Variants in EFCAB5 observed in about 807,000 individuals in gnomAD.
The protein encoded by EFCAB5 is EF-hand calcium binding domain 5.
Under a neutral mutation model 167.9 loss-of-function variants are expected in EFCAB5, and 131 were observed. The observed-to-expected ratio is 0.78, with a 90% CI of 0.68 to 0.90. The LOEUF (loss-of-function observed/expected upper bound fraction) is 0.90, where lower values mean the gene tolerates loss of function less well. Ranked by LOEUF, EFCAB5 falls within the 40% of genes least tolerant of loss-of-function variation. The probability of loss-of-function intolerance (pLI) is 0.00; values close to 1 mark genes in which losing one functional copy is unlikely to be tolerated. For synonymous variants in EFCAB5, 574 were observed against 602.8 expected, an observed-to-expected ratio of 0.95 and a Z score of 0.70; for missense variants, 1,663 against 1,745.2, an observed-to-expected ratio of 0.95 and a Z score of 0.84.
intron 3 of EFCAB5, among the ~76,000 whole-genome samples, chr17:29,954,982 C>T (rs2067584766): frequency 2.0e-5 from 3 of 152,012 alleles, no homozygotes; most frequent in Admixed American, 6.5e-5. Context: ...AGCCTGTAGC[C>T]CCTTTGTTTT....
At chr17:29,936,597 C>T (rs2067247379) in intron 1 of EFCAB5, among the ~76,000 whole-genome samples, 1 of 152,172 alleles carries the variant, frequency 6.6e-6, no homozygotes, top group African/African-American at 2.4e-5. Flanking sequence ...ATGTGATTTT[C>T]AGGGTCTCAG....
Position 30,034,228 on chromosome 17 carries a change from A to G in EFCAB5, c.1045-2A>G. The G allele has an allele frequency of 1.1e-5, 17 of 1,613,002 alleles. No homozygotes were observed. Among genetic ancestry groups the G allele is most frequent in the Non-Finnish European group, 1.4e-5 (17 of 1,179,538 alleles). On this transcript the variant is annotated splice_acceptor_variant, in intron 7 of 22. Transcript: ENST00000394835. LOFTEE classifies it high-confidence loss of function. ...GTTTATCCTCTTTTTTTTCCCCTGT[A>G]GTACATCTCTTCACATATTAAAGAC...
chr17:30,075,210 G>A (rs1047305827), intron 14 of EFCAB5, among the ~76,000 whole-genome samples: 6 of 151,912 alleles, frequency 3.9e-5, no homozygotes, highest in Admixed American at 1.3e-4. Context: ...CATCACTGTC[G>A]CTGTCCTCTC....
intron 7 of EFCAB5, among the ~76,000 whole-genome samples, chr17:30,013,917 C>T (rs1281040022): frequency 1.3e-5 from 2 of 152,176 alleles, no homozygotes; most frequent in African/African-American, 4.8e-5. Flanking sequence ...TTAGATCTTT[C>T]CTGCTTTCTC....
rs9900788 is a variant in EFCAB5, at chr17:30,083,867, G to C, written c.3579+824G>C. On this transcript the variant is annotated intron_variant, in intron 18 of 22. Coordinates refer to ENST00000394835, the MANE Select transcript of EFCAB5 (RefSeq NM_198529.4). ...TGGGTGGAGTGGGAAGGGACTAGGA[G>C]CTGCTGTTTTGGAAGGACTCAGTTA... Among the ~76,000 whole-genome samples the C allele has an allele frequency of 6.5e-3, 993 of 152,340 alleles. 8 individuals are homozygous for C. The highest frequency in any genetic ancestry group is 0.021 in the African/African-American group (870 of 41,572).
At chr17:29,977,714 A>C (rs1418184489) in intron 4 of EFCAB5, among the ~76,000 whole-genome samples, 1 of 152,232 alleles carries the variant, frequency 6.6e-6, no homozygotes, top group Non-Finnish European at 1.5e-5. Context: ...GAGGTATTTC[A>C]AAGAATTACT....
At chr17:30,050,291 T>A (rs1408098766) in intron 8 of EFCAB5, among the ~76,000 whole-genome samples, 1 of 152,076 alleles carries the variant, frequency 6.6e-6, no homozygotes, top group Non-Finnish European at 1.5e-5. Context: ...CCCACCAACA[T>A]GCCCAGCTAA....
At chr17:30,069,689 A>C in intron 14 of EFCAB5, 1 of 1,317,206 alleles carries the variant, frequency 7.6e-7, no homozygotes, top group Non-Finnish European at 1.1e-6. Flanking sequence ...CAGGCTGTGT[A>C]CTCTCATGTA....
chr17:30,105,163 T>G (rs749315808), intron 22 of EFCAB5, among the ~76,000 whole-genome samples: 3 of 152,124 alleles, frequency 2.0e-5, no homozygotes, highest in Non-Finnish European at 4.4e-5. Flanking sequence ...ACCTGTATCA[T>G]TTACCTTGCA....
At chr17:29,982,486 T>C (rs2068198285) in intron 4 of EFCAB5, among the ~76,000 whole-genome samples, 1 of 152,170 alleles carries the variant, frequency 6.6e-6, no homozygotes, top group South Asian at 2.1e-4. Context: ...CTGAGTTTAT[T>C]AACTTGCCAG....
intron 7 of EFCAB5, among the ~76,000 whole-genome samples, chr17:30,026,269 C>A (rs1042061406): frequency 2.6e-5 from 4 of 152,008 alleles, no homozygotes; most frequent in Non-Finnish European, 5.9e-5. Flanking sequence ...ATTTGTATCA[C>A]TTTTAACACT....
intron 7 of EFCAB5, among the ~76,000 whole-genome samples, chr17:30,027,632 G>A (rs963458433): frequency 2.0e-5 from 3 of 152,044 alleles, no homozygotes; most frequent in African/African-American, 7.2e-5. Flanking sequence ...GAGGTATAGG[G>A]TGTCAAGCCA....
intron 7 of EFCAB5, among the ~76,000 whole-genome samples, chr17:30,015,361 G>C (rs1415309268): frequency 6.6e-6 from 1 of 152,180 alleles, no homozygotes; most frequent in Non-Finnish European, 1.5e-5. Context: ...CTAGGCTGGG[G>C]AAGTTTTCCT....
chr17:30,083,653 C>T (rs545329892), intron 18 of EFCAB5, among the ~76,000 whole-genome samples: 2 of 152,342 alleles, frequency 1.3e-5, no homozygotes, highest in East Asian at 3.9e-4. Context: ...GGGGTTTCTC[C>T]ATATTGGTCA....
intron 3 of EFCAB5, among the ~76,000 whole-genome samples, chr17:29,966,930 C>G (rs4598962): frequency 0.49 from 73,756 of 151,680 alleles, 18,309 homozygotes; most frequent in East Asian, 0.69. Context: ...CTATATACAA[C>G]ATGAGCCCAA....
chr17:30,096,605 T>C (rs962614603), intron 22 of EFCAB5, among the ~76,000 whole-genome samples: 7 of 149,662 alleles, frequency 4.7e-5, no homozygotes, highest in Non-Finnish European at 7.4e-5. Context: ...TTGACACTCA[T>C]TGTTTAAAAT....
chr17:29,979,835 G>A (rs1465536888), intron 4 of EFCAB5, among the ~76,000 whole-genome samples: 1 of 152,168 alleles, frequency 6.6e-6, no homozygotes, highest in Non-Finnish European at 1.5e-5. Context: ...TGCCTGGCAT[G>A]AGCTGGGGCT....
intron 14 of EFCAB5, among the ~76,000 whole-genome samples, chr17:30,070,089 C>A (rs1317694671): frequency 3.3e-5 from 5 of 152,254 alleles, no homozygotes; most frequent in Admixed American, 6.5e-5. Context: ...AGTTTAATAA[C>A]GTCTCTCAAC....
Position 30,108,190 on chromosome 17 carries a change from G to A in EFCAB5, c.*166G>A. ...TAAACCCAAAAGTGCTACCTAAGAA[G>A]AAATTTAGCCAAAAAATACCCAGCT... On this transcript the variant is annotated 3_prime_UTR_variant, in exon 23 of 23. Coordinates refer to ENST00000394835, the MANE Select transcript of EFCAB5 (RefSeq NM_198529.4). 1.4e-6 allele frequency: 1 copy of A among 701,394 alleles called. No individual in the cohort carries two copies. The highest frequency in any genetic ancestry group is 2.1e-6 in the Non-Finnish European group (1 of 466,134). The allele number at this position is 701,394 out of a possible 1,614,324, so 43.4% of individuals were successfully genotyped here. A position where few individuals can be genotyped will look rare whatever the true frequency, so the allele number is the denominator to read the frequency against.
Sources: gnomAD v4.1 joint callset for allele counts (sites outside exome capture counted in the v4.1 genomes callset) on GRCh38, gnomAD v4.1.1 for gene constraint, MANE v1.5 for transcripts, NCBI Gene and HGNC (gene_info 2026-07-23, HGNC 2026-07-21) for gene names.